PASK: variants seen among roughly 807,000 people sequenced by gnomAD.
PASK encodes PAS domain containing serine/threonine kinase, also known as PAS domain-containing serine/threonine-protein kinase.
A neutral mutation model predicts 121.0 loss-of-function variants in PASK; 110 were observed. The observed-to-expected ratio is 0.91, with a 90% CI of 0.78 to 1.06. PASK has a LOEUF of 1.06. Among genes scored for constraint, PASK ranks in the 50% least tolerant of loss-of-function variants. The pLI, the probability that PASK is intolerant of heterozygous loss-of-function variation, is 0.00. For missense variants in PASK, 1,643 were observed against 1,702.3 expected (o/e 0.97, Z 0.61); for synonymous variants, 686 against 717.8 (o/e 0.96, Z 0.71).
At chr2:241,133,084 G>C (rs80108863) in intron 8 of PASK, 54 bp from the exon 9 acceptor site, 4 of 1,553,790 alleles carry the variant, frequency 2.6e-6, no homozygotes, top group African/African-American at 1.4e-5. Flanking sequence ...TCCCTAAAAC[G>C]AATCTGCTCA....
chr2:241,106,555 G>T lies in PASK; in HGVS notation c.*11C>A. On this transcript the variant is annotated 3_prime_UTR_variant, in exon 18 of 18. Coordinates refer to ENST00000234040, the MANE Select transcript of PASK (RefSeq NM_015148.4). ...CAAACCAAGTGGAGAAAAGCAGGAA[G>T]AAATTGGTGTTTAGCTGGTCAGCAG... 1 of 1,613,920 alleles carries T rather than the reference G, an allele frequency of 6.2e-7. No individual in the cohort carries two copies. Among genetic ancestry groups the T allele is most frequent in the Non-Finnish European group, 8.5e-7 (1 of 1,179,780 alleles).
At chr2:241,131,152 T>C (rs898985376) in intron 9 of PASK, among the ~76,000 whole-genome samples, 64 of 98,620 alleles carry the variant, frequency 6.5e-4, no homozygotes, top group African/African-American at 2.8e-3. Flanking sequence ...TGTATTACAT[T>C]TTTTTTTTTT....
chr2:241,128,392 C>T (rs762175008), intron 9 of PASK, among the ~76,000 whole-genome samples: 1 of 152,196 alleles, frequency 6.6e-6, no homozygotes. Flanking sequence ...CACATGGTGA[C>T]CCATGAGGAG....
chr2:241,121,976 CAA>C (rs1438921520), intron 12 of PASK, among the ~76,000 whole-genome samples: 2 of 152,106 alleles, frequency 1.3e-5, no homozygotes, highest in Non-Finnish European at 2.9e-5. Context: ...AAATTAAAAA[CAA>C]AAAGATATCT....
intron 10 of PASK, among the ~76,000 whole-genome samples, chr2:241,125,066 C>G (rs776483232): frequency 6.6e-6 from 1 of 151,890 alleles, no homozygotes; most frequent in Non-Finnish European, 1.5e-5. Context: ...TTTGGGAGGC[C>G]GAGGCAGGTG....
rs1302079367 is a variant in PASK at position 241,108,738 on chromosome 2, T to G, written c.3534-438A>C. 3.1e-6 allele frequency: 1 copy of G among 317,966 alleles called. No homozygotes were observed. Among genetic ancestry groups the G allele is most frequent in the African/African-American group, 2.2e-5 (1 of 46,454 alleles). The allele number at this position is 317,966 out of a possible 1,614,324, so 19.7% of individuals were successfully genotyped here. On this transcript the variant is annotated intron_variant, in intron 15 of 17. Transcript: ENST00000234040. The surrounding 1 kb of genome is among the most constrained non-coding windows in gnomAD (Gnocchi z 5.2). ...GATCTTGGTGTGAACGGGCTTGGTG[T>G]GACCATGGACACACATGCCCTTTAG...
At chr2:241,122,210 G>C (rs766082656) in intron 12 of PASK, among the ~76,000 whole-genome samples, 2 of 150,594 alleles carry the variant, frequency 1.3e-5, no homozygotes, top group African/African-American at 4.9e-5. Context: ...AATAGAAGAA[G>C]AAAATAAAAT....
Position 241,126,777 on chromosome 2 carries a change from G to A in PASK, c.2138C>T (p.Ser713Leu). The A allele has an allele frequency of 6.2e-7, 1 of 1,614,082 alleles. No individual in the cohort carries two copies. Among genetic ancestry groups the A allele is most frequent in the Non-Finnish European group, 8.5e-7 (1 of 1,180,030 alleles). Reference sequence around the variant, plus strand: ...GTCCGTGGCCAAGGCATAGCAGGCTGAGGAGCTGCCCGTGCAGCCACCGCA... The same window carrying A: ...GTCCGTGGCCAAGGCATAGCAGGCTAAGGAGCTGCCCGTGCAGCCACCGCA... ...DLCGGCTGSS[S>L]ACYALATDLP... is the part of the protein sequence containing the mutation. The change falls in exon 10 of 18, where the codon TCA (serine) becomes TTA (leucine). Residue 713 changes from serine (S) to leucine (L), a missense_variant. Transcript: ENST00000234040.
At chr2:241,150,246 C>G (rs2067222164), upstream of PASK, 1 of 1,290,348 alleles carries the variant, frequency 7.7e-7, no homozygotes, top group Non-Finnish European at 9.8e-7. Flanking sequence ...ACTCCCTCTG[C>G]TTTCCTTCCC....
At chr2:241,148,902 AG>A (rs2067116743) in intron 1 of PASK, among the ~76,000 whole-genome samples, 1 of 151,998 alleles carries the variant, frequency 6.6e-6, no homozygotes, top group South Asian at 2.1e-4. Context: ...ACTCTGGGAA[AG>A]AAAAATTAGT....
At chr2:241,149,824 C>T (rs1056210317), upstream of PASK, 4 of 1,526,274 alleles carry the variant, frequency 2.6e-6, no homozygotes, top group Admixed American at 4.0e-5. Context: ...AGCGTCCGCA[C>T]TGGGCTGGGA....
In PASK at chr2:241,147,465, T is replaced by A. The variant is rs1408128649; in HGVS notation, c.-43+1949A>T. On this transcript the variant is annotated intron_variant, in intron 1 of 17. Coordinates refer to ENST00000234040, the MANE Select transcript of PASK (RefSeq NM_015148.4). ...AGACCCCATCTCTACAAAAAAAAAA[T>A]TAAAAATTAGCAAGGTGTGGTGGCA... 2.0e-5 allele frequency among the ~76,000 whole-genome samples: 3 copies of A among 151,156 alleles called. No homozygotes were observed. The East Asian group carries it at 5.8e-4, about 29-fold the overall frequency.
intron 9 of PASK, among the ~76,000 whole-genome samples, chr2:241,131,593 C>A (rs964802407): frequency 1.3e-5 from 2 of 152,096 alleles, no homozygotes; most frequent in African/African-American, 4.8e-5. Context: ...GAAGGAAATG[C>A]ATGCGTCAGG....
At chr2:241,111,962 G>A (rs6715783) in intron 15 of PASK, among the ~76,000 whole-genome samples, 3,794 of 152,206 alleles carry the variant, frequency 0.025, 151 homozygotes, top group African/African-American at 0.085. Context: ...GCCATTTTGG[G>A]GGACTCTTCA....
rs778811482 is a variant in PASK at position 241,140,663 on chromosome 2, G to A, written c.287C>T (p.Thr96Met). The change falls in exon 3 of 18, where the codon ACG (threonine) becomes ATG (methionine). Residue 96 changes from threonine (T) to methionine (M), a missense_variant. Thr to Met is a moderately conservative substitution (Grantham distance 81, BLOSUM62 -1). Around this residue, in one of 3 missense-constraint regions of PASK, gnomAD observed 1,176 missense variants for 1,162.2 expected, o/e 1.01. Transcript: ENST00000234040. ...KLHCPAAPEHTDPSEPRGSVS... is the reference protein window; with the variant it reads ...KLHCPAAPEHMDPSEPRGSVS... ...ACTGCCCCGCGGTTCGGACGGGTCC[G>A]TGTGCTCAGGGGCAGCAGGGCAGTG... 31 of 1,613,900 alleles carry A rather than the reference G, an allele frequency of 1.9e-5. No individual in the cohort carries two copies. Among genetic ancestry groups the A allele is most frequent in the African/African-American group, 2.7e-5 (2 of 74,934 alleles).
intron 9 of PASK, chr2:241,127,806 G>A: frequency 2.7e-6 from 1 of 374,286 alleles, no homozygotes; most frequent in Non-Finnish European, 5.1e-6. Flanking sequence ...GGAAGTCCGT[G>A]CTGCTGCCTT....
chr2:241,125,040 C>T (rs979594494), intron 10 of PASK, among the ~76,000 whole-genome samples: 1 of 152,092 alleles, frequency 6.6e-6, no homozygotes, highest in East Asian at 1.9e-4. Flanking sequence ...GTGGCTCACG[C>T]CTGTAATCCC....
At position 241,133,285 on chromosome 2, in the gene PASK, C is replaced by T. The variant is rs2066254500; in HGVS notation, c.1307-255G>A. The T allele has an allele frequency of 9.9e-5, 52 of 526,352 alleles. 3 individuals are homozygous for T. The South Asian group carries it at 1.0e-3, about 10-fold the overall frequency. The allele number at this position is 526,352 out of a possible 1,614,324, so 32.6% of individuals were successfully genotyped here. ...CAAGTCAGAGCACGGCACTCACCTG[C>T]TGACAACCCTCCAACAGCTCCCATC... On this transcript the variant is annotated intron_variant, in intron 8 of 17. Transcript: ENST00000234040.
intron 2 of PASK, among the ~76,000 whole-genome samples, chr2:241,141,422 G>C (rs987819422): frequency 1.3e-5 from 2 of 152,096 alleles, no homozygotes; most frequent in Non-Finnish European, 2.9e-5. Flanking sequence ...TACGATTCAA[G>C]AGCTCCTTGT....
Sources: gnomAD v4.1 joint callset for allele counts (sites outside exome capture counted in the v4.1 genomes callset) on GRCh38, gnomAD v4.1.1 for gene constraint, gnomAD v4.1.1 regional missense constraint, Gnocchi (gnomAD v3.1) non-coding constraint, MANE v1.5 for transcripts, NCBI Gene and HGNC (gene_info 2026-07-23, HGNC 2026-07-21) for gene names.